Variants in GLIS3 observed in about 807,000 individuals in gnomAD.
GLIS3 encodes the protein zinc finger protein GLIS3.
In GLIS3, 53 loss-of-function variants were observed where a neutral mutation model predicts 78.6. The observed-to-expected ratio is 0.67, with a 90% CI of 0.54 to 0.85. The LOEUF (loss-of-function observed/expected upper bound fraction) is 0.85. GLIS3 is among the 40% of genes least tolerant of loss of function. GLIS3 has a pLI of 0.00. For missense variants in GLIS3, 1,703 were observed against 1,231.1 expected, an observed-to-expected ratio of 1.38 and a Z score of -5.74; for synonymous variants, 684 against 509.9, an observed-to-expected ratio of 1.34 and a Z score of -4.60.
chr9:4,476,712 T>C, the GLIS3 span, among the ~76,000 whole-genome samples: 1 of 152,066 alleles, frequency 6.6e-6, no homozygotes, highest in Non-Finnish European at 1.5e-5. Context: ...TTTTTAACTA[T>C]TATGTGTACA....
At chr9:4,480,785 T>C in the GLIS3 span, among the ~76,000 whole-genome samples, 2 of 150,996 alleles carry the variant, frequency 1.3e-5, no homozygotes, top group Non-Finnish European at 2.9e-5. Flanking sequence ...ATGCATATTG[T>C]AAATTTTATA....
At chr9:4,330,585 G>C (rs1486243245) in intron 2 of GLIS3, among the ~76,000 whole-genome samples, 1 of 150,196 alleles carries the variant, frequency 6.7e-6, no homozygotes, top group African/African-American at 2.5e-5. Context: ...AGGTGGAGGT[G>C]AAGGTTGGAT....
At chr9:4,308,729 G>A (rs1817290229) in intron 4 of GLIS3, 2 of 152,288 alleles carry the variant, frequency 1.3e-5, no homozygotes, top group South Asian at 4.1e-4. Flanking sequence ...TGGGCAGCCA[G>A]GGTGAAGAAC....
the GLIS3 span, among the ~76,000 whole-genome samples, chr9:4,372,212 C>T: frequency 6.6e-6 from 1 of 152,276 alleles, no homozygotes. Flanking sequence ...TATGTACCAC[C>T]CGTGCAGTTG....
At chr9:4,076,787 G>C (rs113236872) in intron 4 of GLIS3, among the ~76,000 whole-genome samples, 4,534 of 152,134 alleles carry the variant, frequency 0.03, 215 homozygotes, top group African/African-American at 0.1. Context: ...CTGGGCACAG[G>C]GGCTCACACC....
At chr9:4,471,116 A>T in the GLIS3 span, among the ~76,000 whole-genome samples, 1 of 152,226 alleles carries the variant, frequency 6.6e-6, no homozygotes. Flanking sequence ...GGACACAAAC[A>T]AATGGAAGAA....
Position 4,327,691 on chromosome 9 carries a change from G to A in GLIS3, n.265-17163C>T, listed in dbSNP as rs193067759. On this transcript the variant is annotated intron_variant and non_coding_transcript_variant, in intron 2 of 4. Coordinates refer to the GLIS3 transcript ENST00000471664. The stretch of plus-strand genomic sequence containing the variant: ...ACCACATCACACAACTCCAGGGGGC[G>A]CCATCCACTTTGCAGTTAATGGGGC... 2.1e-3 allele frequency among the ~76,000 whole-genome samples: 317 copies of A among 152,316 alleles called. 3 individuals are homozygous for A. Among genetic ancestry groups the A allele is most frequent in the Non-Finnish European group, 5.0e-4 (34 of 68,026 alleles).
Position 4,332,964 on chromosome 9 carries a change from C to T in GLIS3, n.264+14117G>A, listed in dbSNP as rs112455557. Among the ~76,000 whole-genome samples, 8 of 152,338 alleles carry T rather than the reference C, an allele frequency of 5.3e-5. No homozygotes were observed. The East Asian group carries it at 1.2e-3, about 22-fold the overall frequency. The stretch of plus-strand genomic sequence containing the variant: ...GACATTAATCTTGATTCAATGTTAA[C>T]GTTTTCAGCTCCCTAATTTTTATAG... On this transcript the variant is annotated intron_variant and non_coding_transcript_variant, in intron 2 of 4. Coordinates refer to the GLIS3 transcript ENST00000471664.
the GLIS3 span, among the ~76,000 whole-genome samples, chr9:4,356,628 C>A: frequency 2.0e-5 from 3 of 152,180 alleles, no homozygotes; most frequent in South Asian, 6.2e-4. Flanking sequence ...AAAGGGAACA[C>A]AGCAGATTCA....
chr9:4,368,421 T>G, the GLIS3 span, among the ~76,000 whole-genome samples: 1 of 150,986 alleles, frequency 6.6e-6, no homozygotes, highest in Non-Finnish European at 1.5e-5. Flanking sequence ...CTCTGCTCAC[T>G]GCAAGCTCCG....
intron 2 of GLIS3, among the ~76,000 whole-genome samples, chr9:4,187,991 C>T (rs1485868604): frequency 6.6e-6 from 1 of 152,026 alleles, no homozygotes; most frequent in Non-Finnish European, 1.5e-5. Flanking sequence ...CCTTTATTTC[C>T]TTCTCCTTCC....
the GLIS3 span, among the ~76,000 whole-genome samples, chr9:4,385,192 G>A: frequency 6.6e-6 from 1 of 152,298 alleles, no homozygotes; most frequent in Admixed American, 6.5e-5. Context: ...GACTGTTTCT[G>A]CATTCCCTTC....
intron 2 of GLIS3, among the ~76,000 whole-genome samples, chr9:4,190,152 C>A (rs1326657968): frequency 6.6e-6 from 1 of 152,210 alleles, no homozygotes; most frequent in Admixed American, 6.5e-5. Flanking sequence ...GAACGCAGCT[C>A]CTCACCAGCA....
the GLIS3 span, among the ~76,000 whole-genome samples, chr9:4,365,766 T>C: frequency 7.2e-3 from 1,090 of 152,288 alleles, 17 homozygotes; most frequent in African/African-American, 0.024. Flanking sequence ...AGTATTTCTT[T>C]TACATAATAT....
chr9:4,030,429 G>A (rs1823734820), intron 4 of GLIS3, among the ~76,000 whole-genome samples: 1 of 152,088 alleles, frequency 6.6e-6, no homozygotes, highest in African/African-American at 2.4e-5. Flanking sequence ...CTATACAGAA[G>A]CTTTTTAACT....
At chr9:4,137,457 G>GT (rs997452746) in intron 2 of GLIS3, among the ~76,000 whole-genome samples, 9 of 152,106 alleles carry the variant, frequency 5.9e-5, no homozygotes, top group Non-Finnish European at 8.8e-5. Flanking sequence ...ATTTATCCCT[G>GT]TATTAAATGG....
the GLIS3 span, among the ~76,000 whole-genome samples, chr9:4,364,627 T>A: frequency 6.6e-6 from 1 of 151,696 alleles, no homozygotes; most frequent in East Asian, 1.9e-4. Context: ...TGTTCCAAAA[T>A]GTTAATACTT....
chr9:4,032,140 G>T (rs1161916568), intron 4 of GLIS3, among the ~76,000 whole-genome samples: 4 of 152,212 alleles, frequency 2.6e-5, no homozygotes, highest in Non-Finnish European at 5.9e-5. Flanking sequence ...AGTGCCTTCA[G>T]TCCTGTGCAG....
At chr9:4,136,852 C>T (rs1368130216) in intron 2 of GLIS3, among the ~76,000 whole-genome samples, 1 of 152,200 alleles carries the variant, frequency 6.6e-6, no homozygotes, top group Non-Finnish European at 1.5e-5. Context: ...GTGGTTCAAA[C>T]CTGGCTACAT....
Sources: allele counts gnomAD v4.1 joint callset (sites outside exome capture counted in the v4.1 genomes callset), GRCh38; gene constraint gnomAD v4.1.1; transcripts MANE v1.5; gene names NCBI Gene and HGNC (gene_info 2026-07-23, HGNC 2026-07-21).